The following IL1RAPL2 variants were observed in gnomAD, a reference collection of about 807,000 sequenced individuals.
IL1RAPL2 encodes the protein X-linked interleukin-1 receptor accessory protein-like 2.
IL1RAPL2 carries 3 observed loss-of-function variants against 44.1 expected under a neutral mutation model. That is an observed-to-expected ratio of 0.07 (90% CI 0.03 to 0.18). IL1RAPL2 has a LOEUF of 0.18. Among genes scored for constraint, IL1RAPL2 ranks in the 10% least tolerant of loss-of-function variants. IL1RAPL2 has a pLI of 1.00. For missense variants in IL1RAPL2, 391 were observed against 496.4 expected, an observed-to-expected ratio of 0.79 and a Z score of 2.02; for synonymous variants, 181 against 178.8, an observed-to-expected ratio of 1.01 and a Z score of -0.10.
intron 5 of IL1RAPL2, among the ~76,000 whole-genome samples, chrX:105,411,071 T>G (rs1158650697): frequency 8.9e-6 from 1 of 111,819 alleles, no homozygotes; most frequent in African/African-American, 3.2e-5. Context: ...GCAACCAAAG[T>G]TAAGTTGTTA....
intron 2 of IL1RAPL2, among the ~76,000 whole-genome samples, chrX:104,889,691 G>A (rs951084850): frequency 5.5e-4 from 61 of 111,490 alleles, no homozygotes; most frequent in African/African-American, 1.8e-3. Flanking sequence ...TACAGGAACC[G>A]GAATAGCCAG....
intron 5 of IL1RAPL2, among the ~76,000 whole-genome samples, chrX:105,324,827 G>A (rs1203047178): frequency 8.9e-6 from 1 of 111,844 alleles, no homozygotes; most frequent in East Asian, 2.8e-4. Flanking sequence ...CTGTGAAGGT[G>A]ACAGAAATAA....
At chrX:105,637,745 A>T (rs1435331885) in intron 6 of IL1RAPL2, among the ~76,000 whole-genome samples, 3 of 109,824 alleles carry the variant, frequency 2.7e-5, no homozygotes, top group African/African-American at 9.9e-5. Flanking sequence ...ATGGTTAGAC[A>T]TAAGGAAAAA....
At chrX:104,834,542 A>G (rs1291902058) in intron 2 of IL1RAPL2, among the ~76,000 whole-genome samples, 2 of 112,147 alleles carry the variant, frequency 1.8e-5, no homozygotes, top group Non-Finnish European at 3.8e-5. Flanking sequence ...AGTTATAAAT[A>G]TTTTACACAC....
chrX:105,178,730 T>A (rs2033500064), intron 2 of IL1RAPL2, among the ~76,000 whole-genome samples: 1 of 111,940 alleles, frequency 8.9e-6, no homozygotes, highest in Non-Finnish European at 1.9e-5. Flanking sequence ...TTGATTTGCA[T>A]TTCCCTGATG....
At chrX:105,706,447 T>TA (rs1310986882) in intron 6 of IL1RAPL2, among the ~76,000 whole-genome samples, 1 of 110,877 alleles carries the variant, frequency 9.0e-6, no homozygotes. Flanking sequence ...GAACAAAGAG[T>TA]AGTGGAAAGT....
In IL1RAPL2 at chrX:105,218,413, T is replaced by C. The variant is rs1345960445; in HGVS notation, c.357-15405T>C. On this transcript the variant is annotated intron_variant, in intron 3 of 10. Transcript: ENST00000372582. ...CAACTCCAAGTGGCCTACAGCTTCATTGCTCAACATCATGGAATCGGCCTC... is the reference window on the plus strand; with the variant it reads ...CAACTCCAAGTGGCCTACAGCTTCACTGCTCAACATCATGGAATCGGCCTC... Among the ~76,000 whole-genome samples, 3 of 111,262 alleles carry C rather than the reference T, an allele frequency of 2.7e-5. No homozygotes were observed. The Admixed American group carries it at 2.9e-4, about 11-fold the overall frequency.
At chrX:104,584,179 T>TA (rs1212348625) in intron 1 of IL1RAPL2, among the ~76,000 whole-genome samples, 3 of 111,719 alleles carry the variant, frequency 2.7e-5, no homozygotes, top group African/African-American at 9.8e-5. Context: ...AAATGCATGT[T>TA]AGAGTTTGAG....
chrX:104,695,327 G>C (rs1931159527), intron 2 of IL1RAPL2, among the ~76,000 whole-genome samples: 1 of 110,461 alleles, frequency 9.1e-6, no homozygotes. Context: ...TGCCTTTTGT[G>C]GGGCAGCAGG....
intron 2 of IL1RAPL2, among the ~76,000 whole-genome samples, chrX:104,946,638 T>C (rs1243012901): frequency 1.1e-5 from 1 of 92,619 alleles, no homozygotes; most frequent in Non-Finnish European, 2.1e-5. Context: ...ATTGTTCAAT[T>C]CCCACCTATG....
Position 105,277,547 on chromosome X carries a change from C to G in IL1RAPL2, c.697+10006C>G, listed in dbSNP as rs775833898. Among the ~76,000 whole-genome samples, 51 of 111,622 alleles carry G rather than the reference C, an allele frequency of 4.6e-4. 1 individual carries two copies. The highest frequency in any genetic ancestry group is 1.5e-3 in the African/African-American group (45 of 30,553). On this transcript the variant is annotated intron_variant, in intron 5 of 10. Transcript: ENST00000372582. ...TTCTCTGCAGCTCATCTCCTCAGATCCTTGCTTTCTCCTGGGGTTAATCTA... is the reference window on the plus strand; with the variant it reads ...TTCTCTGCAGCTCATCTCCTCAGATGCTTGCTTTCTCCTGGGGTTAATCTA...
chrX:104,827,320 G>A (rs1269696570), intron 2 of IL1RAPL2, among the ~76,000 whole-genome samples: 1 of 110,952 alleles, frequency 9.0e-6, no homozygotes, highest in African/African-American at 3.3e-5. Context: ...GGCAGGCCTG[G>A]TGGTGACAAA....
intron 2 of IL1RAPL2, among the ~76,000 whole-genome samples, chrX:105,145,557 C>A (rs1036010662): frequency 9.0e-6 from 1 of 111,632 alleles, no homozygotes; most frequent in African/African-American, 3.3e-5. Flanking sequence ...GGTGGCCCTG[C>A]AGACTCAAAG....
chrX:105,327,317 CA>C (rs767044117), intron 5 of IL1RAPL2, among the ~76,000 whole-genome samples: 3 of 111,684 alleles, frequency 2.7e-5, no homozygotes, highest in Non-Finnish European at 5.6e-5. Context: ...ATAGTTGCTA[CA>C]ATACATGACC....
At chrX:105,696,066 T>C (rs886651499) in intron 6 of IL1RAPL2, among the ~76,000 whole-genome samples, 2 of 112,010 alleles carry the variant, frequency 1.8e-5, no homozygotes, top group African/African-American at 3.2e-5. Flanking sequence ...CTCTGGAAAA[T>C]TTAAATGCAG....
intron 2 of IL1RAPL2, among the ~76,000 whole-genome samples, chrX:104,906,237 A>G (rs1421340598): frequency 9.0e-6 from 1 of 111,603 alleles, no homozygotes; most frequent in Non-Finnish European, 1.9e-5. Context: ...ATATACAATC[A>G]TGTCATCTGC....
intron 1 of IL1RAPL2, among the ~76,000 whole-genome samples, chrX:104,575,016 C>T (rs1028420203): frequency 9.0e-6 from 1 of 111,697 alleles, no homozygotes; most frequent in Non-Finnish European, 1.9e-5. Context: ...GTACTCAATA[C>T]TCTGCTTAAA....
intron 5 of IL1RAPL2, among the ~76,000 whole-genome samples, chrX:105,386,138 A>G (rs1270164173): frequency 8.9e-6 from 1 of 111,758 alleles, no homozygotes; most frequent in Non-Finnish European, 1.9e-5. Context: ...TGTGGTCTAA[A>G]TTATGTTTAT....
At chrX:105,667,702 C>A (rs1435071559) in intron 6 of IL1RAPL2, among the ~76,000 whole-genome samples, 3 of 111,372 alleles carry the variant, frequency 2.7e-5, no homozygotes. Flanking sequence ...ATTATTACTG[C>A]AATTAATGTA....
Sources: gnomAD v4.1 joint callset for allele counts (sites outside exome capture counted in the v4.1 genomes callset) on GRCh38, gnomAD v4.1.1 for gene constraint, MANE v1.5 for transcripts, NCBI Gene and HGNC (gene_info 2026-07-23, HGNC 2026-07-21) for gene names.